Variants in SPHKAP observed in about 807,000 individuals in gnomAD.
The protein encoded by SPHKAP is SPHK1 interactor, AKAP domain containing, also known as A-kinase anchor protein SPHKAP.
In SPHKAP, 67 loss-of-function variants were observed where a neutral mutation model predicts 137.5. The ratio of observed to expected loss-of-function variants is 0.49; its 90% CI spans 0.40 to 0.60. The LOEUF is 0.60. Ranked by LOEUF, SPHKAP falls within the 20% of genes least tolerant of loss-of-function variation. SPHKAP has a pLI of 0.00. For missense variants in SPHKAP, 2,097 were observed against 2,069.3 expected (o/e 1.01, Z -0.26); for synonymous variants, 813 against 785.3 (o/e 1.04, Z -0.59).
At chr2:228,035,819 G>A (rs1695566525) in intron 3 of SPHKAP, among the ~76,000 whole-genome samples, 2 of 152,204 alleles carry the variant, frequency 1.3e-5, no homozygotes, top group Admixed American at 6.5e-5. Flanking sequence ...TGGGAAAACT[G>A]GCTGGCCATA....
intron 11 of SPHKAP, among the ~76,000 whole-genome samples, chr2:227,986,335 C>T (rs537704621): frequency 6.6e-6 from 1 of 152,202 alleles, no homozygotes; most frequent in East Asian, 1.9e-4. Context: ...AACCTAACAT[C>T]GTATGTTCTC....
In SPHKAP at chr2:227,981,209, CTTT is replaced by C. The variant is rs1207946219; in HGVS notation, c.*505_*507del. On this transcript the variant is annotated 3_prime_UTR_variant, in exon 12 of 12. Coordinates refer to ENST00000392056, the MANE Select transcript of SPHKAP (RefSeq NM_001142644.2). The stretch of plus-strand genomic sequence containing the variant: ...CTGACATTGATTTGAAAGTGGAAAT[CTTT>C]TGTATAAAAGTCTGGGGATTTCTCA... The C allele has an allele frequency of 5.3e-5, 8 of 152,320 alleles. No homozygotes were observed. Among genetic ancestry groups the C allele is most frequent in the African/African-American group, 1.9e-4 (8 of 41,562 alleles). 9.4% of individuals were successfully genotyped at this position (152,320 alleles called of 1,614,324 possible). A position where few individuals can be genotyped will look rare whatever the true frequency, so the allele number is the denominator to read the frequency against.
intron 3 of SPHKAP, among the ~76,000 whole-genome samples, chr2:228,062,605 G>GA (rs57078919): frequency 0.051 from 7,522 of 146,542 alleles, 252 homozygotes; most frequent in African/African-American, 0.09. Flanking sequence ...ATTAAAAATG[G>GA]AAAAAAAAAA....
In SPHKAP at chr2:228,010,396, G is replaced by T. The variant is rs538836159; in HGVS notation, c.4448+6010C>A. Among the ~76,000 whole-genome samples the T allele has an allele frequency of 1.9e-4, 29 of 152,276 alleles. No homozygotes were observed. The South Asian group carries it at 2.5e-3, about 13-fold the overall frequency. ...ACGAAAGAAAAATTAGCTGGGTGTG[G>T]TGGCATGTGCCTGTAGTCCCAGCTA... On this transcript the variant is annotated intron_variant, in intron 7 of 11. Transcript: ENST00000392056.
At chr2:228,107,062 C>A (rs905874818) in intron 3 of SPHKAP, among the ~76,000 whole-genome samples, 1 of 133,228 alleles carries the variant, frequency 7.5e-6, no homozygotes, top group Non-Finnish European at 1.7e-5. Flanking sequence ...CATTAACTCA[C>A]GTAGTTATCA....
intron 1 of SPHKAP, among the ~76,000 whole-genome samples, chr2:228,137,525 T>G (rs1031317129): frequency 3.9e-5 from 6 of 152,210 alleles, no homozygotes; most frequent in African/African-American, 1.2e-4. Context: ...TAAACCATTT[T>G]AACAGATTCT....
intron 1 of SPHKAP, among the ~76,000 whole-genome samples, chr2:228,160,198 C>T (rs532576250): frequency 1.3e-5 from 2 of 152,294 alleles, no homozygotes; most frequent in East Asian, 3.9e-4. Context: ...TCAATCATGT[C>T]CATCTTCCCC....
At chr2:228,032,196 T>C (rs1369962098) in intron 3 of SPHKAP, among the ~76,000 whole-genome samples, 1 of 152,168 alleles carries the variant, frequency 6.6e-6, no homozygotes, top group Non-Finnish European at 1.5e-5. Context: ...AAGGAGCTGA[T>C]GGAGCTGAAA....
intron 2 of SPHKAP, among the ~76,000 whole-genome samples, chr2:228,113,710 T>C (rs1698602515): frequency 6.7e-6 from 1 of 150,176 alleles, no homozygotes; most frequent in African/African-American, 2.4e-5. Context: ...AACTGTGTAG[T>C]TAAGTCCACT....
chr2:228,029,223 A>T (rs553792389), intron 3 of SPHKAP, among the ~76,000 whole-genome samples: 1 of 152,368 alleles, frequency 6.6e-6, no homozygotes, highest in East Asian at 1.9e-4. Context: ...GATGTTACAA[A>T]ACTGAGAACA....
intron 3 of SPHKAP, among the ~76,000 whole-genome samples, chr2:228,031,832 T>C (rs1418147636): frequency 6.6e-6 from 1 of 152,162 alleles, no homozygotes; most frequent in Non-Finnish European, 1.5e-5. Flanking sequence ...TCCTGTCTGC[T>C]AGAAGGAAAA....
chr2:228,093,639 C>G (rs1018432915), intron 3 of SPHKAP, among the ~76,000 whole-genome samples: 1 of 151,748 alleles, frequency 6.6e-6, no homozygotes, highest in Non-Finnish European at 1.5e-5. Flanking sequence ...GTGGGGGGAC[C>G]ACTAGGTCAG....
chr2:228,080,347 C>T (rs907291623), intron 3 of SPHKAP, among the ~76,000 whole-genome samples: 3 of 152,248 alleles, frequency 2.0e-5, no homozygotes, highest in African/African-American at 7.2e-5. Context: ...ATAAGACATA[C>T]AAATGGACAA....
At chr2:228,084,836 G>T (rs1697489320) in intron 3 of SPHKAP, among the ~76,000 whole-genome samples, 1 of 152,190 alleles carries the variant, frequency 6.6e-6, no homozygotes, top group Non-Finnish European at 1.5e-5. Flanking sequence ...CATCTTTGCA[G>T]ACAAATTTAC....
chr2:228,141,114 T>A (rs1699593068), intron 1 of SPHKAP, among the ~76,000 whole-genome samples: 1 of 152,216 alleles, frequency 6.6e-6, no homozygotes, highest in Non-Finnish European at 1.5e-5. Context: ...TAACACTCCT[T>A]TAAGTGCTTT....
chr2:227,984,165 T>G (rs1020340405), intron 11 of SPHKAP, among the ~76,000 whole-genome samples: 1 of 151,980 alleles, frequency 6.6e-6, no homozygotes, highest in Non-Finnish European at 1.5e-5. Flanking sequence ...CCGGGCGTCG[T>G]GGCATGCACC....
At chr2:228,041,913 T>C (rs901787026) in intron 3 of SPHKAP, among the ~76,000 whole-genome samples, 25 of 151,880 alleles carry the variant, frequency 1.6e-4, no homozygotes, top group African/African-American at 6.0e-4. Context: ...AATTGTCAGG[T>C]GAGTCTTAGA....
At position 228,108,949 on chromosome 2, in the gene SPHKAP, C is replaced by T. The variant is rs201938920; in HGVS notation, c.139-10G>A. The T allele has an allele frequency of 6.4e-6, 10 of 1,556,770 alleles. No individual in the cohort carries two copies. In the African/African-American group the frequency reaches 8.4e-5, roughly 13 times the overall value. On this transcript the variant is annotated splice_polypyrimidine_tract_variant and intron_variant, in intron 2 of 11. Coordinates refer to ENST00000392056, the MANE Select transcript of SPHKAP (RefSeq NM_001142644.2). ...TATTGCTGCGAAGAACCTGGAGGAA[C>T]CCAGAAAAACTCAGTTCTTATTCGG...
intron 3 of SPHKAP, among the ~76,000 whole-genome samples, chr2:228,058,821 A>G (rs1033894762): frequency 6.6e-6 from 1 of 152,244 alleles, no homozygotes; most frequent in African/African-American, 2.4e-5. Context: ...TACATGTAGC[A>G]TAGCTCACCT....
Sources: gnomAD v4.1 joint callset for allele counts (sites outside exome capture counted in the v4.1 genomes callset) on GRCh38, gnomAD v4.1.1 for gene constraint, MANE v1.5 for transcripts, NCBI Gene and HGNC (gene_info 2026-07-23, HGNC 2026-07-21) for gene names.